The following PLD5 variants were observed in gnomAD, a reference collection of about 807,000 sequenced individuals.
PLD5 encodes the protein inactive phospholipase D5.
PLD5 carries 36 observed loss-of-function variants against 61.1 expected under a neutral mutation model. The observed-to-expected ratio is 0.59, with a 90% CI of 0.45 to 0.78. The LOEUF is 0.78. Among genes scored for constraint, PLD5 ranks in the 30% least tolerant of loss-of-function variants. The probability of loss-of-function intolerance (pLI) is 0.00; values close to 1 mark genes in which losing one functional copy is unlikely to be tolerated. For synonymous variants in PLD5, 243 were observed against 242.8 expected (o/e 1.00, Z -0.01); for missense variants, 515 against 644.4 (o/e 0.80, Z 2.17).
chr1:242,391,559 ATC>A (rs35950065), intron 1 of PLD5, among the ~76,000 whole-genome samples: 85,125 of 151,842 alleles, frequency 0.56, 24,271 homozygotes, highest in Admixed American at 0.67. Context: ...CATTCTTTTA[ATC>A]TCGCAGAAGT....
rs377630001 is a variant in PLD5 at position 242,364,839 on chromosome 1, A to G, written c.190-16597T>C. Among the ~76,000 whole-genome samples the G allele has an allele frequency of 4.6e-5, 7 of 152,276 alleles. No individual in the cohort carries two copies. In the East Asian group the frequency reaches 7.7e-4, roughly 17 times the overall value. ...ATTAAACTCAAGTAGACAAGGGAAT[A>G]GAAATAATAAAGAGCAGAATTCAAT... On this transcript the variant is annotated intron_variant, in intron 1 of 9. Transcript: ENST00000536534.
chr1:242,384,448 A>G (rs1662480623), intron 1 of PLD5, among the ~76,000 whole-genome samples: 1 of 152,190 alleles, frequency 6.6e-6, no homozygotes, highest in Non-Finnish European at 1.5e-5. Flanking sequence ...AGTCACATCA[A>G]ATTTCGTGTC....
intron 1 of PLD5, among the ~76,000 whole-genome samples, chr1:242,490,409 C>T (rs1668107185): frequency 1.3e-5 from 2 of 152,280 alleles, no homozygotes; most frequent in South Asian, 4.1e-4. Context: ...TATGTGTGCA[C>T]ATACAAATTT....
intron 1 of PLD5, among the ~76,000 whole-genome samples, chr1:242,359,492 A>G (rs1489179553): frequency 2.6e-5 from 4 of 152,174 alleles, no homozygotes; most frequent in Admixed American, 2.0e-4. Context: ...TTTCAATAAC[A>G]TATTTTTGTC....
At chr1:242,484,667 C>A (rs1294445608) in intron 1 of PLD5, among the ~76,000 whole-genome samples, 1 of 152,150 alleles carries the variant, frequency 6.6e-6, no homozygotes, top group Non-Finnish European at 1.5e-5. Flanking sequence ...TAAAACTATT[C>A]CAATCAATAG....
At chr1:242,451,869 G>A (rs1666792332) in intron 1 of PLD5, among the ~76,000 whole-genome samples, 1 of 152,104 alleles carries the variant, frequency 6.6e-6, no homozygotes, top group African/African-American at 2.4e-5. Flanking sequence ...CTCCCACCAT[G>A]CTCCTGCTAG....
intron 5 of PLD5, among the ~76,000 whole-genome samples, chr1:242,143,008 G>A (rs567519984): frequency 4.6e-4 from 70 of 150,978 alleles, no homozygotes; most frequent in African/African-American, 1.6e-3. Context: ...ATGAGCCACC[G>A]TGCCTGGCCT....
intron 1 of PLD5, among the ~76,000 whole-genome samples, chr1:242,451,206 C>T (rs1338161992): frequency 1.3e-5 from 2 of 152,106 alleles, no homozygotes; most frequent in Non-Finnish European, 2.9e-5. Context: ...ATCAATGAAG[C>T]GTCTCCCTTT....
intron 5 of PLD5, among the ~76,000 whole-genome samples, chr1:242,178,604 A>G (rs778587169): frequency 2.0e-5 from 3 of 152,158 alleles, no homozygotes; most frequent in Non-Finnish European, 4.4e-5. Context: ...GTCGAGAGAG[A>G]AGGATGTTTG....
intron 5 of PLD5, among the ~76,000 whole-genome samples, chr1:242,130,753 G>C (rs1287485402): frequency 6.6e-6 from 1 of 152,152 alleles, no homozygotes; most frequent in Admixed American, 6.5e-5. Flanking sequence ...TGACTTCCTA[G>C]TTCAATCACA....
intron 3 of PLD5, among the ~76,000 whole-genome samples, chr1:242,276,074 A>G (rs1574653269): frequency 6.6e-6 from 1 of 152,156 alleles, no homozygotes; most frequent in East Asian, 1.9e-4. Flanking sequence ...GTGCTGGCTC[A>G]TGCCTGTAAT....
At chr1:242,301,029 G>C (rs369626625) in intron 2 of PLD5, among the ~76,000 whole-genome samples, 148 of 152,236 alleles carry the variant, frequency 9.7e-4, no homozygotes, top group Middle Eastern at 3.4e-3. Flanking sequence ...TACTCACACT[G>C]CCCTAGGAGG....
intron 1 of PLD5, among the ~76,000 whole-genome samples, chr1:242,356,340 A>G (rs1660753026): frequency 6.6e-6 from 1 of 151,794 alleles, no homozygotes; most frequent in African/African-American, 2.4e-5. Flanking sequence ...TTTTTAAAAT[A>G]CTTTTTGACT....
chr1:242,457,277 A>G (rs926642305), intron 1 of PLD5, among the ~76,000 whole-genome samples: 1 of 152,182 alleles, frequency 6.6e-6, no homozygotes, highest in African/African-American at 2.4e-5. Context: ...GAAGTAAGAG[A>G]ACTTCAAAAT....
rs558643335 is a variant in PLD5, at chr1:242,152,042, C to T, written c.736-27377G>A. Among the ~76,000 whole-genome samples, 22 of 151,112 alleles carry T rather than the reference C, an allele frequency of 1.5e-4. 1 individual carries two copies. Among genetic ancestry groups the T allele is most frequent in the African/African-American group, 5.4e-4 (22 of 41,110 alleles). ...TTTTTTTTTCAGTGCTGCAAAGGTA[C>T]AAAAATTTATTATCATGCAGTTTGT... On this transcript the variant is annotated intron_variant, in intron 5 of 9. Transcript: ENST00000536534.
chr1:242,476,539 T>C (rs932204035), intron 1 of PLD5, among the ~76,000 whole-genome samples: 5 of 152,156 alleles, frequency 3.3e-5, no homozygotes, highest in African/African-American at 7.2e-5. Flanking sequence ...TACCTTCTAG[T>C]CCTGATAATG....
chr1:242,252,391 G>T (rs1420814916), intron 4 of PLD5, among the ~76,000 whole-genome samples: 45 of 152,164 alleles, frequency 3.0e-4, no homozygotes, highest in Admixed American at 2.9e-3. Context: ...GCTACTCCAG[G>T]CAAGGCAGGA....
intron 1 of PLD5, among the ~76,000 whole-genome samples, chr1:242,373,230 C>T (rs1236379500): frequency 6.6e-6 from 1 of 152,114 alleles, no homozygotes; most frequent in African/African-American, 2.4e-5. Context: ...CAGAGAAACG[C>T]AAATCAAAAC....
intron 1 of PLD5, among the ~76,000 whole-genome samples, chr1:242,390,921 G>A (rs114310605): frequency 4.2e-3 from 641 of 152,172 alleles, no homozygotes; most frequent in Non-Finnish European, 6.4e-3. Context: ...GGCCAAGTGC[G>A]GTGGCTCACA....
Sources: allele counts gnomAD v4.1 joint callset (sites outside exome capture counted in the v4.1 genomes callset), GRCh38; gene constraint gnomAD v4.1.1; transcripts MANE v1.5; gene names NCBI Gene and HGNC (gene_info 2026-07-23, HGNC 2026-07-21).